The following DPYD variants were observed in gnomAD, a reference collection of about 807,000 sequenced individuals.
DPYD encodes the protein dihydropyrimidine dehydrogenase [NADP(+)].
A neutral mutation model predicts 116.2 loss-of-function variants in DPYD; 109 were observed. The observed-to-expected ratio is 0.94, with a 90% CI of 0.80 to 1.10. The LOEUF (loss-of-function observed/expected upper bound fraction) is 1.10, where lower values mean the gene tolerates loss of function less well. Ranked by LOEUF, DPYD falls within the 50% of genes least tolerant of loss-of-function variation. DPYD has a pLI of 0.00. For synonymous variants in DPYD, 440 were observed against 432.0 expected (o/e 1.02, Z -0.23); for missense variants, 1,302 against 1,254.5 (o/e 1.04, Z -0.57).
chr1:97,126,200 G>A lies in DPYD; in HGVS notation c.2623-27568C>T, dbSNP rs561083864. The stretch of plus-strand genomic sequence containing the variant: ...ATTCTTATGGATGTGGTATTCAGTG[G>A]TGAATCCAACCTCCACACATGAGTA... On this transcript the variant is annotated intron_variant, in intron 20 of 22. Coordinates refer to ENST00000370192, the MANE Select transcript of DPYD (RefSeq NM_000110.4). 5.9e-5 allele frequency among the ~76,000 whole-genome samples: 9 copies of A among 152,136 alleles called. No individual in the cohort carries two copies. The East Asian group carries it at 1.7e-3, about 30-fold the overall frequency.
At chr1:97,097,374 A>T (rs1650340593) in intron 21 of DPYD, among the ~76,000 whole-genome samples, 1 of 152,036 alleles carries the variant, frequency 6.6e-6, no homozygotes, top group Non-Finnish European at 1.5e-5. Context: ...TCTCCAGTTG[A>T]CTGCTAAAGA....
At position 97,224,165 on chromosome 1, in the gene DPYD, G is replaced by T. The variant is rs563166701; in HGVS notation, c.2442+10687C>A. On this transcript the variant is annotated intron_variant, in intron 19 of 22. Transcript: ENST00000370192. ...GTTCACTTAAATAAATTAGAAGTCA[G>T]TTGGGTTGACTGAAGAACTTATAAG... Among the ~76,000 whole-genome samples the T allele has an allele frequency of 5.3e-5, 8 of 152,180 alleles. No individual in the cohort carries two copies. In the East Asian group the frequency reaches 1.4e-3, roughly 26 times the overall value.
At chr1:97,509,208 G>T (rs577860487) in intron 13 of DPYD, among the ~76,000 whole-genome samples, 25 of 152,086 alleles carry the variant, frequency 1.6e-4, no homozygotes, top group Admixed American at 4.6e-4. Flanking sequence ...TTTTGGTAAG[G>T]TTGTCTGATA....
Position 97,875,976 on chromosome 1 carries a change from C to T in DPYD, c.150+7288G>A, listed in dbSNP as rs541203141. Among the ~76,000 whole-genome samples the T allele has an allele frequency of 5.9e-5, 9 of 151,946 alleles. No homozygotes were observed. The East Asian group carries it at 9.7e-4, about 16-fold the overall frequency. ...ATTTACTTGCAGAACTAGTTGAATACGGGGTTTTTCTCAAATCAAGATGTC... is the reference window on the plus strand; with the variant it reads ...ATTTACTTGCAGAACTAGTTGAATATGGGGTTTTTCTCAAATCAAGATGTC... On this transcript the variant is annotated intron_variant, in intron 2 of 22. Transcript: ENST00000370192.
At position 97,206,686 on chromosome 1, in the gene DPYD, AT is replaced by A. The variant is rs369193077; in HGVS notation, c.2443-13439del. Among the ~76,000 whole-genome samples the A allele has an allele frequency of 6.6e-3, 602 of 90,548 alleles. 35 individuals are homozygous for A. The highest frequency in any genetic ancestry group is 0.012 in the Middle Eastern group (2 of 168). 59.4% of individuals were successfully genotyped at this position (90,548 alleles called of 152,430 possible). A position where few individuals can be genotyped will look rare whatever the true frequency, so the allele number is the denominator to read the frequency against. ...TATATATATATATATATATATATAT[AT>A]AATCTATATGCTTATAATGCATATG... On this transcript the variant is annotated intron_variant, in intron 19 of 22. Transcript: ENST00000370192.
At chr1:97,382,292 T>C (rs192989085) in intron 15 of DPYD, 101 bp downstream of exon 15, 13 of 607,612 alleles carry the variant, frequency 2.1e-5, no homozygotes, top group Non-Finnish European at 3.5e-5. Context: ...TTCAATTCAG[T>C]TTTACTTCTA....
At chr1:97,134,020 T>A (rs1198270867) in intron 20 of DPYD, among the ~76,000 whole-genome samples, 3,827 of 9,616 alleles carry the variant, frequency 0.4, 524 homozygotes, top group East Asian at 0.54. Context: ...AAAAAATATA[T>A]ATATATATAT....
chr1:97,263,546 C>T (rs1377663342), intron 18 of DPYD, among the ~76,000 whole-genome samples: 1 of 152,006 alleles, frequency 6.6e-6, no homozygotes, highest in East Asian at 1.9e-4. Flanking sequence ...GGTTTTGAAG[C>T]TTATATAGCC....
chr1:97,331,419 A>C (rs1187880253), intron 16 of DPYD, among the ~76,000 whole-genome samples: 1 of 152,166 alleles, frequency 6.6e-6, no homozygotes, highest in African/African-American at 2.4e-5. Context: ...GTTCGAGGTT[A>C]CAGTAAGCTA....
In DPYD at chr1:97,753,919, T is replaced by C. The variant is rs182783488; in HGVS notation, c.234-13440A>G. Among the ~76,000 whole-genome samples the C allele has an allele frequency of 5.1e-3, 780 of 152,216 alleles. 6 individuals are homozygous for C. The highest frequency in any genetic ancestry group is 7.4e-3 in the Non-Finnish European group (505 of 67,996). ...CCTATCCAGTATCTGGAATATTATA[T>C]AAAATGACATAAAAGTAGCTCAGAA... On this transcript the variant is annotated intron_variant, in intron 3 of 22. Coordinates refer to ENST00000370192, the MANE Select transcript of DPYD (RefSeq NM_000110.4).
At chr1:97,397,105 GGAAA>G (rs1490006125) in intron 14 of DPYD, among the ~76,000 whole-genome samples, 1 of 151,974 alleles carries the variant, frequency 6.6e-6, no homozygotes, top group Non-Finnish European at 1.5e-5. Context: ...AAATGTTGGT[GGAAA>G]GAAAGATGGC....
intron 13 of DPYD, among the ~76,000 whole-genome samples, chr1:97,467,180 G>C (rs189729438): frequency 1.2e-4 from 18 of 152,254 alleles, no homozygotes; most frequent in Admixed American, 4.6e-4. Context: ...TACCTCCACC[G>C]AATGGATCTG....
chr1:97,537,553 A>G (rs565389811), intron 12 of DPYD, among the ~76,000 whole-genome samples: 1 of 152,304 alleles, frequency 6.6e-6, no homozygotes, highest in South Asian at 2.1e-4. Flanking sequence ...AAAAAATTTC[A>G]TTTATTGATA....
At chr1:97,722,583 A>C (rs1489230506) in intron 4 of DPYD, among the ~76,000 whole-genome samples, 1 of 151,574 alleles carries the variant, frequency 6.6e-6, no homozygotes, top group Non-Finnish European at 1.5e-5. Context: ...GATAGAATGC[A>C]CTTAACAATA....
chr1:97,405,133 T>C (rs1673587261), intron 14 of DPYD, among the ~76,000 whole-genome samples: 1 of 152,090 alleles, frequency 6.6e-6, no homozygotes, highest in Non-Finnish European at 1.5e-5. Flanking sequence ...GACTTATATA[T>C]AGGTATACAT....
intron 20 of DPYD, among the ~76,000 whole-genome samples, chr1:97,158,451 TCTC>T (rs968332362): frequency 7.2e-6 from 1 of 139,648 alleles, no homozygotes; most frequent in African/African-American, 2.6e-5. Flanking sequence ...CCTTTGGGCT[TCTC>T]CTGCAGATAA....
chr1:97,377,447 C>T (rs1478618383), intron 15 of DPYD, among the ~76,000 whole-genome samples: 1 of 152,166 alleles, frequency 6.6e-6, no homozygotes, highest in East Asian at 1.9e-4. Flanking sequence ...AGACCTCTGA[C>T]TTGTCCTTCC....
chr1:97,907,267 A>T (rs1673682901), intron 1 of DPYD, among the ~76,000 whole-genome samples: 1 of 152,098 alleles, frequency 6.6e-6, no homozygotes, highest in Non-Finnish European at 1.5e-5. Context: ...TTTAATTTTT[A>T]GTGTGGGTTT....
chr1:97,313,497 CTGTGTGTGTGTG>C (rs58100703), intron 16 of DPYD, among the ~76,000 whole-genome samples: 1 of 148,620 alleles, frequency 6.7e-6, no homozygotes, highest in Non-Finnish European at 1.5e-5. Context: ...ACATGTGTGC[CTGTGTGTGTGTG>C]TGTGTGTGTG....
Sources: allele counts gnomAD v4.1 joint callset (sites outside exome capture counted in the v4.1 genomes callset), GRCh38; gene constraint gnomAD v4.1.1; transcripts MANE v1.5; gene names NCBI Gene and HGNC (gene_info 2026-07-23, HGNC 2026-07-21).